DLGAP3: variants seen among roughly 807,000 people sequenced by gnomAD.
DLGAP3 encodes disks large-associated protein 3.
DLGAP3 carries 17 observed loss-of-function variants against 81.2 expected under a neutral mutation model. That is an observed-to-expected ratio of 0.21 (90% CI 0.14 to 0.31). The LOEUF is 0.31. Ranked by LOEUF, DLGAP3 falls within the 10% of genes least tolerant of loss-of-function variation. The pLI, the probability that DLGAP3 is intolerant of heterozygous loss-of-function variation, is 1.00. For missense variants in DLGAP3, 1,124 were observed against 1,388.0 expected (o/e 0.81, Z 3.02); for synonymous variants, 577 against 587.4 (o/e 0.98, Z 0.26).
Position 34,868,957 on chromosome 1 carries a change from C to T in DLGAP3, c.2133G>A (p.Arg711=). The change falls in exon 9 of 12, where the codon AGG becomes AGA. Residue 711 remains arginine, a synonymous_variant. Transcript: ENST00000373347. This position sits in a 1 kb window ranked among gnomAD's most constrained non-coding sequence, Gnocchi z 7.5. ...KALQFGRSFQ[R]HASEPQPGPR... is the part of the protein sequence containing the mutation. ...GCCCAGGCTGGGGCTCAGAGGCGTG[C>T]CTCTGGAAGGAGCGTCCAAACTGCA... 1 of 1,609,880 alleles carries T rather than the reference C, an allele frequency of 6.2e-7. No individual in the cohort carries two copies. Among genetic ancestry groups the T allele is most frequent in the Non-Finnish European group, 8.5e-7 (1 of 1,179,834 alleles).
chr1:34,910,742 G>A (rs570426174), intron 1 of DLGAP3, among the ~76,000 whole-genome samples: 1 of 152,232 alleles, frequency 6.6e-6, no homozygotes, highest in East Asian at 1.9e-4. Context: ...AGATCCCCCT[G>A]CTGTTTGCTC....
At chr1:34,923,311 G>A (rs1639822592) in intron 1 of DLGAP3, among the ~76,000 whole-genome samples, 1 of 152,188 alleles carries the variant, frequency 6.6e-6, no homozygotes, top group Non-Finnish European at 1.5e-5. Context: ...TTCATGATCA[G>A]TGAATCCCTC....
intron 5 of DLGAP3, among the ~76,000 whole-genome samples, chr1:34,887,844 G>A (rs889001526): frequency 4.6e-5 from 7 of 152,166 alleles, no homozygotes; most frequent in Non-Finnish European, 1.0e-4. Flanking sequence ...CATCTTCATA[G>A]GGCTATTGAG....
chr1:34,899,606 G>A (rs1427369351), intron 5 of DLGAP3, 63 bp downstream of exon 5: 8 of 1,403,374 alleles, frequency 5.7e-6, no homozygotes, highest in Non-Finnish European at 7.1e-6. Context: ...TAAGTCCTAA[G>A]CTGAGCATGG....
chr1:34,885,802 C>G lies in DLGAP3; in HGVS notation c.1601-11G>C, dbSNP rs773242642. 8 of 1,401,110 alleles carry G rather than the reference C, an allele frequency of 5.7e-6. No homozygotes were observed. Among genetic ancestry groups the G allele is most frequent in the Non-Finnish European group, 7.4e-6 (8 of 1,082,510 alleles). 86.8% of individuals were successfully genotyped at this position (1,401,110 alleles called of 1,614,324 possible). ...TTCTGAAGTTGAAGGCTGTGGCCGG[C>G]GAGCGCAGAGACGCAGTGGGTGAGG... On this transcript the variant is annotated splice_polypyrimidine_tract_variant and intron_variant, in intron 6 of 11. Transcript: ENST00000373347.
At chr1:34,892,668 C>G (rs1639330039) in intron 5 of DLGAP3, among the ~76,000 whole-genome samples, 1 of 89,010 alleles carries the variant, frequency 1.1e-5, no homozygotes, top group South Asian at 6.0e-4. Flanking sequence ...CAGGTGCCCA[C>G]TACTGTGCCT....
At chr1:34,901,300 G>C (rs1304087130) in intron 3 of DLGAP3, among the ~76,000 whole-genome samples, 1 of 152,192 alleles carries the variant, frequency 6.6e-6, no homozygotes, top group Non-Finnish European at 1.5e-5. Flanking sequence ...AGAGGAGCCT[G>C]TGAAGTCACC....
At chr1:34,924,272 A>T (rs1639835980) in intron 1 of DLGAP3, among the ~76,000 whole-genome samples, 2 of 151,958 alleles carry the variant, frequency 1.3e-5, no homozygotes, top group South Asian at 2.1e-4. Context: ...ACTCCCCCAG[A>T]TCTTCCTCTT....
intron 1 of DLGAP3, among the ~76,000 whole-genome samples, chr1:34,911,261 A>C (rs1185169334): frequency 6.6e-6 from 1 of 152,188 alleles, no homozygotes; most frequent in Non-Finnish European, 1.5e-5. Context: ...TTTTAAAGCA[A>C]ACAAACAAAT....
intron 8 of DLGAP3, among the ~76,000 whole-genome samples, chr1:34,872,868 A>G (rs889814986): frequency 1.6e-4 from 25 of 152,106 alleles, no homozygotes; most frequent in Non-Finnish European, 5.9e-5. Flanking sequence ...CCAGTTTGAA[A>G]CCCCATTGAG....
At chr1:34,888,924 T>C (rs996036435) in intron 5 of DLGAP3, among the ~76,000 whole-genome samples, 1 of 152,172 alleles carries the variant, frequency 6.6e-6, no homozygotes, top group Non-Finnish European at 1.5e-5. Flanking sequence ...AGTGTCCCTC[T>C]TGGAGCACAG....
intron 1 of DLGAP3, among the ~76,000 whole-genome samples, chr1:34,916,593 C>G (rs1639718805): frequency 6.6e-6 from 1 of 152,244 alleles, no homozygotes. Flanking sequence ...GGATTTGAAT[C>G]TGAGTCTGGG....
intron 5 of DLGAP3, among the ~76,000 whole-genome samples, chr1:34,887,352 T>C (rs563584842): frequency 1.3e-5 from 2 of 151,984 alleles, no homozygotes; most frequent in East Asian, 1.9e-4. Flanking sequence ...TAGCCATTGC[T>C]GGATGAGGTT....
chr1:34,885,718 G>C lies in DLGAP3; in HGVS notation c.1674C>G (p.Ala558=), dbSNP rs370357780. 9.7e-5 allele frequency: 138 copies of C among 1,424,726 alleles called. No homozygotes were observed. In the African/African-American group the frequency reaches 1.9e-3, roughly 19 times the overall value. 88.3% of individuals were successfully genotyped at this position (1,424,726 alleles called of 1,614,324 possible). ...CGTGCGCGGAGTCGGTGCTGCTCTG[G>C]GCGGTGATGGAGATGCGGGGCGGGG... ...SQAPPRISIT[A]QSSTDSAHES... The change falls in exon 7 of 12, where the codon GCC becomes GCG. Residue 558 remains alanine, a synonymous_variant. Coordinates refer to ENST00000373347, the MANE Select transcript of DLGAP3 (RefSeq NM_001080418.3).
At chr1:34,875,301 G>A (rs4652866) in intron 8 of DLGAP3, among the ~76,000 whole-genome samples, 44 of 151,962 alleles carry the variant, frequency 2.9e-4, no homozygotes, top group Non-Finnish European at 4.7e-4. Flanking sequence ...GTGGCCCTTC[G>A]TGGGCACAAG....
chr1:34,921,983 C>T (rs1330571992), intron 1 of DLGAP3, among the ~76,000 whole-genome samples: 1 of 152,204 alleles, frequency 6.6e-6, no homozygotes, highest in African/African-American at 2.4e-5. Flanking sequence ...TGTATTGTCA[C>T]ATCTTGTATG....
At chr1:34,893,662 T>C (rs564181157) in intron 5 of DLGAP3, among the ~76,000 whole-genome samples, 8 of 151,922 alleles carry the variant, frequency 5.3e-5, no homozygotes, top group Non-Finnish European at 1.0e-4. Context: ...ATGAGTTATA[T>C]TAGAGCAATG....
rs1243036749 is a variant in DLGAP3, at chr1:34,905,285, G to A, written c.99C>T (p.Tyr33=). 6.7e-7 allele frequency: 1 copy of A among 1,499,168 alleles called. No individual in the cohort carries two copies. The highest frequency in any genetic ancestry group is 9.0e-7 in the Non-Finnish European group (1 of 1,109,570). 92.9% of individuals were successfully genotyped at this position (1,499,168 alleles called of 1,614,324 possible). The change falls in exon 3 of 12, where the codon TAC becomes TAT. Residue 33 remains tyrosine, a synonymous_variant. Coordinates refer to ENST00000373347, the MANE Select transcript of DLGAP3 (RefSeq NM_001080418.3). ...AGAAGGCCTCCCTGGAGCCCAGCAG[G>A]TATGGGGCCCTGGCAGCAGGGCCCA... is the stretch of plus-strand genomic sequence containing the variant. ...MDVGPAARAP[Y]LLGSREAFST...
At position 34,905,043 on chromosome 1, in the gene DLGAP3, G is replaced by A. The variant is rs1161556975; in HGVS notation, c.341C>T (p.Ala114Val). ...CAGGAGTGTAGGAGGCAGGCGGGGG[G>A]CACCCTTGCCCTGTGGGTGGCCCAC... is the stretch of plus-strand genomic sequence containing the variant. ...DCVGHPQGKGAPRLPPTLLDQ... is the reference protein window; with the variant it reads ...DCVGHPQGKGVPRLPPTLLDQ... The change falls in exon 3 of 12, where the codon GCC becomes GTC. Residue 114 changes from alanine to valine, a missense_variant. By Grantham distance (64) the Ala-to-Val change is moderately conservative. Around this residue, in one of 9 missense-constraint regions of DLGAP3, gnomAD observed 167 missense variants for 172.1 expected, o/e 0.97. Coordinates refer to ENST00000373347, the MANE Select transcript of DLGAP3 (RefSeq NM_001080418.3). The A allele has an allele frequency of 4.4e-6, 7 of 1,602,262 alleles. No individual in the cohort carries two copies. Among genetic ancestry groups the A allele is most frequent in the East Asian group, 2.3e-5 (1 of 44,330 alleles).
Sources: gnomAD v4.1 joint callset for allele counts (sites outside exome capture counted in the v4.1 genomes callset) on GRCh38, gnomAD v4.1.1 for gene constraint, gnomAD v4.1.1 regional missense constraint, Gnocchi (gnomAD v3.1) non-coding constraint, MANE v1.5 for transcripts, NCBI Gene and HGNC (gene_info 2026-07-23, HGNC 2026-07-21) for gene names.